Variants in NIN observed in about 807,000 individuals in gnomAD.
The protein encoded by NIN is glycogen synthase kinase 3 beta-interacting protein.
Under a neutral mutation model 257.6 loss-of-function variants are expected in NIN, and 137 were observed. The observed-to-expected ratio is 0.53, with a 90% confidence interval of 0.46 to 0.61. NIN has a LOEUF of 0.61. Ranked by LOEUF, NIN falls within the 20% of genes least tolerant of loss-of-function variation. The pLI is 0.00. For synonymous variants in NIN, 918 were observed against 919.8 expected (o/e 1.00, Z 0.04); for missense variants, 2,439 against 2,501.2 (o/e 0.98, Z 0.53).
At chr14:50,772,833 T>C (rs2042787841) in intron 8 of NIN, 116 bp downstream of exon 8, 2 of 856,474 alleles carry the variant, frequency 2.3e-6, no homozygotes, top group African/African-American at 3.4e-5. Flanking sequence ...AATTCTTCTT[T>C]TGCTTCCCTC....
chr14:50,743,619 C>T (rs537857886), intron 23 of NIN, 90 bp from the exon 24 acceptor site: 25 of 728,940 alleles, frequency 3.4e-5, no homozygotes, highest in African/African-American at 3.1e-4. Flanking sequence ...TTGTCAAGAA[C>T]AAGTACCATC....
chr14:50,758,696 T>A (rs779213006), intron 17 of NIN, 66 bp from the exon 18 acceptor site: 80 of 1,451,348 alleles, frequency 5.5e-5, no homozygotes, highest in Non-Finnish European at 7.1e-5. Context: ...CAAAAACCAT[T>A]TTCCCATGCA....
intron 4 of NIN, chr14:50,805,958 T>C (rs1039963395): frequency 5.9e-5 from 9 of 152,288 alleles, no homozygotes; most frequent in African/African-American, 2.2e-4. Flanking sequence ...TTTCCACAGT[T>C]TTTAGACTTT....
At chr14:50,777,203 A>G in intron 6 of NIN, 64 bp from the exon 7 acceptor site, 1 of 1,287,196 alleles carries the variant, frequency 7.8e-7, no homozygotes, top group African/African-American at 1.5e-5. Context: ...GCCTATTCTT[A>G]AAGAAAACTG....
intron 29 of NIN, chr14:50,727,560 A>C: frequency 7.7e-7 from 1 of 1,302,500 alleles, no homozygotes. Context: ...TAAAAATAAT[A>C]AAATAATTTA....
rs1566814063 is a variant in NIN at position 50,758,438 on chromosome 14, C to G, written c.2592G>C (p.Glu864Asp). ...EKSQWEFEKD[E>D]LTQECAEAQE... ...GGGCTTCCGCACACTCCTGGGTGAG[C>G]TCGTCCTTCTCAAATTCCCACTGGG... is the stretch of plus-strand genomic sequence containing the variant. The change falls in exon 18 of 31, where the codon GAG becomes GAC. Residue 864 changes from glutamate to aspartate, a missense_variant. Glu to Asp is a conservative substitution (Grantham distance 45). This residue lies in a region of NIN where 2,043 missense variants were observed against 2,050.2 expected (regional missense o/e 1.00). Coordinates refer to ENST00000530997, the MANE Select transcript of NIN (RefSeq NM_020921.4). 6.2e-7 allele frequency: 1 copy of G among 1,614,134 alleles called. No homozygotes were observed. Among genetic ancestry groups the G allele is most frequent in the Non-Finnish European group, 8.5e-7 (1 of 1,179,990 alleles).
intron 5 of NIN, among the ~76,000 whole-genome samples, chr14:50,791,068 A>G (rs1362674265): frequency 6.6e-6 from 1 of 152,208 alleles, no homozygotes; most frequent in Admixed American, 6.5e-5. Context: ...ATTAAACTTA[A>G]AAGTGTTTTC....
Position 50,738,168 on chromosome 14 carries a change from T to C in NIN, c.5747A>G (p.Gln1916Arg). The change falls in exon 27 of 31, where the codon CAG becomes CGG. Residue 1916 changes from glutamine (Q) to arginine (R), a missense_variant. Transcript: ENST00000530997. ...CCTGTTAGCAGGAGATTGTTCTTTCTGAAACTGATCACACTCTCTCTTTAA... is the reference window on the plus strand; with the variant it reads ...CCTGTTAGCAGGAGATTGTTCTTTCCGAAACTGATCACACTCTCTCTTTAA... ...LSLKRECDQF[Q>R]KEQSPANRKV... 6.2e-7 allele frequency: 1 copy of C among 1,614,202 alleles called. No individual in the cohort carries two copies. The highest frequency in any genetic ancestry group is 8.5e-7 in the Non-Finnish European group (1 of 1,180,034).
intron 4 of NIN, among the ~76,000 whole-genome samples, chr14:50,796,223 C>T (rs1442198260): frequency 6.6e-6 from 1 of 152,202 alleles, no homozygotes; most frequent in African/African-American, 2.4e-5. Context: ...GGAGGTGTCT[C>T]AGACCCCATC....
At chr14:50,740,627 C>G (rs1178825230) in intron 25 of NIN, among the ~76,000 whole-genome samples, 1 of 152,098 alleles carries the variant, frequency 6.6e-6, no homozygotes, top group African/African-American at 2.4e-5. Context: ...GGATTACAAG[C>G]GTGAGCCACC....
chr14:50,732,220 T>C (rs2040747902), intron 28 of NIN, among the ~76,000 whole-genome samples: 1 of 152,114 alleles, frequency 6.6e-6, no homozygotes, highest in African/African-American at 2.4e-5. Flanking sequence ...GGAGTGCACA[T>C]ATCAGGTTAG....
At chr14:50,768,188 G>C (rs1449529852) in intron 12 of NIN, among the ~76,000 whole-genome samples, 2 of 151,730 alleles carry the variant, frequency 1.3e-5, no homozygotes, top group Non-Finnish European at 2.9e-5. Context: ...AAAGAATACA[G>C]AGCCAGTATA....
At chr14:50,807,776 C>CA (rs1366951586) in intron 3 of NIN, among the ~76,000 whole-genome samples, 1 of 151,952 alleles carries the variant, frequency 6.6e-6, no homozygotes, top group South Asian at 2.1e-4. Context: ...AAACAGTGGA[C>CA]AAAAAATCAT....
At chr14:50,771,236 C>T in intron 10 of NIN, 96 bp downstream of exon 10, 2 of 1,424,048 alleles carry the variant, frequency 1.4e-6, no homozygotes, top group Non-Finnish European at 1.9e-6. Flanking sequence ...GCAACATTTG[C>T]ATACAGAATA....
intron 29 of NIN, chr14:50,727,561 AAAT>A (rs1243574576): frequency 1.0e-5 from 13 of 1,305,672 alleles, no homozygotes; most frequent in Non-Finnish European, 1.3e-5. Context: ...AAAAATAATA[AAAT>A]AATTTAAAAG....
chr14:50,753,694 T>C (rs1206331605), intron 20 of NIN, among the ~76,000 whole-genome samples: 5 of 152,244 alleles, frequency 3.3e-5, no homozygotes, highest in Admixed American at 2.6e-4. Flanking sequence ...ATATCTCTAA[T>C]ATGTCTTCCT....
At chr14:50,741,841 A>G in intron 24 of NIN, 113 bp from the exon 25 acceptor site, 12 of 1,233,540 alleles carry the variant, frequency 9.7e-6, no homozygotes, top group Non-Finnish European at 1.2e-5. Context: ...GTTTCTCTTT[A>G]CTAAATCCAG....
intron 4 of NIN, chr14:50,806,055 C>T (rs942459029): frequency 8.5e-5 from 13 of 152,266 alleles, no homozygotes; most frequent in Middle Eastern, 6.8e-3. Context: ...TGAGAATTTA[C>T]AATTAATGTC....
At position 50,723,061 on chromosome 14, in the gene NIN, TTAAAA is replaced by T. The variant is rs2040300196; in HGVS notation, c.*397_*401del. ...TATGTAAGAACACCTAAATTTGGTTTTAAAATAAAGTTTATAACAACCATTCTCAT... is the reference window on the plus strand; with the variant it reads ...TATGTAAGAACACCTAAATTTGGTTTTAAAGTTTATAACAACCATTCTCAT... On this transcript the variant is annotated 3_prime_UTR_variant, in exon 31 of 31. Transcript: ENST00000530997. 1 of 217,396 alleles carries T rather than the reference TTAAAA, an allele frequency of 4.6e-6. No individual in the cohort carries two copies. Among genetic ancestry groups the T allele is most frequent in the Admixed American group, 5.7e-5 (1 of 17,696 alleles). The allele number at this position is 217,396 out of a possible 1,614,324, so 13.5% of individuals were successfully genotyped here. A position where few individuals can be genotyped will look rare whatever the true frequency, so the allele number is the denominator to read the frequency against.
Sources: gnomAD v4.1 joint callset for allele counts (sites outside exome capture counted in the v4.1 genomes callset) on GRCh38, gnomAD v4.1.1 for gene constraint, gnomAD v4.1.1 regional missense constraint, MANE v1.5 for transcripts, NCBI Gene and HGNC (gene_info 2026-07-23, HGNC 2026-07-21) for gene names.